Variants in PLXNB2 observed in about 807,000 individuals in gnomAD.
The protein encoded by PLXNB2 is plexin-B2.
PLXNB2 carries 85 observed loss-of-function variants against 202.6 expected under a neutral mutation model. The ratio of observed to expected loss-of-function variants is 0.42; its 90% CI spans 0.35 to 0.50. PLXNB2 has a LOEUF of 0.50. PLXNB2 is among the 20% of genes least tolerant of loss of function. PLXNB2 has a pLI of 0.02. For synonymous variants in PLXNB2, 1,239 were observed against 1,137.6 expected (o/e 1.09, Z -1.79); for missense variants, 2,063 against 2,586.2 (o/e 0.80, Z 4.39).
At chr22:50,292,099 A>G (rs2066908701) in intron 2 of PLXNB2, among the ~76,000 whole-genome samples, 1 of 152,166 alleles carries the variant, frequency 6.6e-6, no homozygotes, top group South Asian at 2.1e-4. Flanking sequence ...GCACCTTGGG[A>G]GGCCGAGGCG....
rs578239488 is a variant in PLXNB2 at position 50,280,244 on chromosome 22, C to T, written c.4176-173G>A. On this transcript the variant is annotated intron_variant, in intron 25 of 36. Transcript: ENST00000359337. ...TCCAGCCCTTGTGGGAAGTGTGCCA[C>T]CTTCCTTCTGTTCTGCAGAGGGCTG... 2.6e-5 allele frequency among the ~76,000 whole-genome samples: 4 copies of T among 152,336 alleles called. No individual in the cohort carries two copies. The East Asian group carries it at 7.7e-4, about 29-fold the overall frequency.
intron 1 of PLXNB2, among the ~76,000 whole-genome samples, chr22:50,304,086 G>A (rs1215072191): frequency 6.6e-6 from 1 of 152,200 alleles, no homozygotes; most frequent in East Asian, 1.9e-4. Context: ...TGGCCTCTGG[G>A]TGTGAAGGGC....
intron 35 of PLXNB2, 139 bp downstream of exon 35, chr22:50,276,490 C>A: frequency 1.4e-6 from 1 of 720,848 alleles, no homozygotes; most frequent in Non-Finnish European, 2.5e-6. Flanking sequence ...TTCACATGGC[C>A]GAGCCCACCT....
rs2066239948 is a variant in PLXNB2, at chr22:50,284,113, C to A, written c.2263+19G>T. 6 of 1,608,130 alleles carry A rather than the reference C, an allele frequency of 3.7e-6. No homozygotes were observed. The highest frequency in any genetic ancestry group is 1.1e-5 in the South Asian group (1 of 90,978). ...CCACCCGTCCCCTGCCCGCCCCCCACTGCGCCCGTGGCCCCCACCATGGAG... is the reference window on the plus strand; with the variant it reads ...CCACCCGTCCCCTGCCCGCCCCCCAATGCGCCCGTGGCCCCCACCATGGAG... On this transcript the variant is annotated intron_variant, in intron 13 of 36. Transcript: ENST00000359337. This position sits in a 1 kb window ranked among gnomAD's most constrained non-coding sequence, Gnocchi z 8.0.
chr22:50,296,081 A>G (rs535302073), intron 1 of PLXNB2, among the ~76,000 whole-genome samples: 66 of 152,116 alleles, frequency 4.3e-4, no homozygotes, highest in African/African-American at 1.5e-3. Flanking sequence ...CAGCCTGGGC[A>G]ACAGAGTGAG....
rs778355949 is a variant in PLXNB2 at position 50,290,646 on chromosome 22, G to A, written c.-13-49C>T. The stretch of plus-strand genomic sequence containing the variant: ...GGGAGCCCCGACCCAGAGGACCCCC[G>A]ATCAAATCCCTCTCCAGTCCCTGCC... On this transcript the variant is annotated intron_variant, in intron 2 of 36. Transcript: ENST00000359337. The A allele has an allele frequency of 1.3e-4, 188 of 1,478,496 alleles. 1 individual carries two copies. Among genetic ancestry groups the A allele is most frequent in the Middle Eastern group, 7.4e-4 (3 of 4,074 alleles). The allele number at this position is 1,478,496 out of a possible 1,614,324, so 91.6% of individuals were successfully genotyped here.
rs757361795 is a variant in PLXNB2 at position 50,286,265 on chromosome 22, C to G, written c.1785G>C (p.Gln595His). ...AGATGTTGCCTCGTCTAAGGAGGAGCTGGATGGTCACGGCCACGTGGTCTG... is the reference window on the plus strand; with the variant it reads ...AGATGTTGCCTCGTCTAAGGAGGAGGTGGATGGTCACGGCCACGTGGTCTG... ...PGQDHVAVTIQLLLRRGNIFL... is the reference protein window; with the variant it reads ...PGQDHVAVTIHLLLRRGNIFL... The change falls in exon 9 of 37, where the codon CAG becomes CAC. Residue 595 changes from glutamine to histidine, a missense_variant. Around this residue, in one of 2 missense-constraint regions of PLXNB2, gnomAD observed 1,303 missense variants for 1,476.8 expected, o/e 0.88. Coordinates refer to ENST00000359337, the MANE Select transcript of PLXNB2 (RefSeq NM_012401.4). 6.2e-6 allele frequency: 10 copies of G among 1,613,066 alleles called. No homozygotes were observed. In the Admixed American group the frequency reaches 1.7e-4, roughly 27 times the overall value.
At position 50,286,065 on chromosome 22, in the gene PLXNB2, GC is replaced by G. The variant is rs748049566; in HGVS notation, c.1910del (p.Cys637SerfsTer40). 6.2e-7 allele frequency: 1 copy of G among 1,612,112 alleles called. No homozygotes were observed. The highest frequency in any genetic ancestry group is 1.7e-5 in the Admixed American group (1 of 60,026). ...CISCVSNRWT[C>X]QWDLRYHECR... ...ACTCGTGGTAGCGCAGGTCCCACTG[GC>G]AGGTCCAGCGGTTGCTCACGCAGGA... On this transcript the variant is annotated frameshift_variant, in exon 10 of 37. Transcript: ENST00000359337. LOFTEE classifies it high-confidence loss of function.
At chr22:50,300,662 G>C (rs571733170) in intron 1 of PLXNB2, among the ~76,000 whole-genome samples, 1 of 152,362 alleles carries the variant, frequency 6.6e-6, no homozygotes, top group Admixed American at 6.5e-5. Context: ...CCCAGGTGGA[G>C]GCCGTCGCAC....
intron 23 of PLXNB2, 53 bp downstream of exon 23, chr22:50,281,036 C>G: frequency 1.9e-6 from 3 of 1,600,712 alleles, no homozygotes; most frequent in Non-Finnish European, 8.5e-7. Flanking sequence ...ACGCTACACA[C>G]AGCATCCCCG....
At chr22:50,282,943 C>G in intron 17 of PLXNB2, 62 bp from the exon 18 acceptor site, 2 of 1,558,772 alleles carry the variant, frequency 1.3e-6, no homozygotes, top group Non-Finnish European at 1.7e-6. Flanking sequence ...CCAGCCCGAC[C>G]AGGCTGGCCC....
intron 8 of PLXNB2, among the ~76,000 whole-genome samples, chr22:50,286,698 A>T (rs1268137702): frequency 6.6e-6 from 1 of 152,100 alleles, no homozygotes; most frequent in Non-Finnish European, 1.5e-5. Flanking sequence ...AACTCAGGGG[A>T]CATGGGCGCG....
Position 50,287,143 on chromosome 22 carries a change from G to A in PLXNB2, c.1730C>T (p.Pro577Leu). The change falls in exon 8 of 37, where the codon CCA (proline) becomes CTA (leucine). Residue 577 changes from proline (P) to leucine (L), a missense_variant. By Grantham distance (98) the Pro-to-Leu change is moderately conservative. This residue lies in a region of PLXNB2 where 1,303 missense variants were observed against 1,476.8 expected (regional missense o/e 0.88). Coordinates refer to ENST00000359337, the MANE Select transcript of PLXNB2 (RefSeq NM_012401.4). ...TGGCGGTGTGACGGGGATGCTGCTT[G>A]GGGAGTTGCAGATGACGGCCTCGCC... ...VEGEAVICNSPSSIPVTPPGQ... is the reference protein window; with the variant it reads ...VEGEAVICNSLSSIPVTPPGQ... 1 of 1,542,244 alleles carries A rather than the reference G, an allele frequency of 6.5e-7. No individual in the cohort carries two copies.
At chr22:50,301,264 G>C (rs183923321) in intron 1 of PLXNB2, 47 of 388,146 alleles carry the variant, frequency 1.2e-4, no homozygotes, top group Admixed American at 8.3e-4. Flanking sequence ...ACCCCATCCT[G>C]TCCAACCTGG....
chr22:50,275,857 ACCTGCC>A (rs770422474), intron 36 of PLXNB2, 26 bp downstream of exon 36: 4 of 1,604,154 alleles, frequency 2.5e-6, no homozygotes, highest in Admixed American at 1.7e-5. Context: ...CCAGCACCCC[ACCTGCC>A]CCCGCCCCCG....
chr22:50,293,926 T>C (rs982532969), intron 2 of PLXNB2, among the ~76,000 whole-genome samples: 1 of 152,232 alleles, frequency 6.6e-6, no homozygotes, highest in African/African-American at 2.4e-5. Flanking sequence ...CCCAGGGTCC[T>C]ACAGGCCCAG....
At chr22:50,306,980 C>A (rs1229861574) in intron 1 of PLXNB2, among the ~76,000 whole-genome samples, 1 of 152,106 alleles carries the variant, frequency 6.6e-6, no homozygotes, top group Non-Finnish European at 1.5e-5. Flanking sequence ...AGGGGACAGG[C>A]AGGGCTCGCG....
Position 50,275,784 on chromosome 22 carries a change from G to A in PLXNB2, c.5437C>T (p.Pro1813Ser). The change falls in exon 37 of 37, where the codon CCT becomes TCT. Residue 1813 changes from proline (P) to serine (S), a missense_variant. Transcript: ENST00000359337. Reference protein sequence around the residue: ...DEIINALEEDPAAQKMQLAFR... With the variant: ...DEIINALEEDSAAQKMQLAFR... ...GCCAGCTGCATCTTCTGGGCGGCAG[G>A]ATCCTCCTCCAAGGCATTGATGATC... 1 of 1,612,408 alleles carries A rather than the reference G, an allele frequency of 6.2e-7. No individual in the cohort carries two copies. The highest frequency in any genetic ancestry group is 8.5e-7 in the Non-Finnish European group (1 of 1,179,734).
rs914823000 is a variant in PLXNB2, at chr22:50,282,077, A to C, written c.3122T>G (p.Val1041Gly). ...EAESLQPMTVVGTDYVFHNDT... is the reference protein window; with the variant it reads ...EAESLQPMTVGGTDYVFHNDT... The stretch of plus-strand genomic sequence containing the variant: ...ATTGTGGAACACGTAGTCTGTACCC[A>C]CCACCTGCAGGCAAGTCCCAGCTGT... Residue 1041 changes from valine (V) to glycine (G), a missense_variant, in exon 20 of 37, where the codon GTG becomes GGG. Physicochemically the swap from Val to Gly is moderately radical, Grantham distance 109. Around this residue, in one of 2 missense-constraint regions of PLXNB2, gnomAD observed 760 missense variants for 1,109.4 expected, o/e 0.69. Transcript: ENST00000359337. 2 of 1,610,448 alleles carry C rather than the reference A, an allele frequency of 1.2e-6. No homozygotes were observed. Among genetic ancestry groups the C allele is most frequent in the East Asian group, 4.5e-5 (2 of 44,858 alleles).
Sources: gnomAD v4.1 joint callset for allele counts (sites outside exome capture counted in the v4.1 genomes callset) on GRCh38, gnomAD v4.1.1 for gene constraint, gnomAD v4.1.1 regional missense constraint, Gnocchi (gnomAD v3.1) non-coding constraint, MANE v1.5 for transcripts, NCBI Gene and HGNC (gene_info 2026-07-23, HGNC 2026-07-21) for gene names.